The following EVI5L variants were observed in gnomAD, a reference collection of about 807,000 sequenced individuals.
The protein encoded by EVI5L is ecotropic viral integration site 5 like, also known as EVI5-like protein.
EVI5L carries 30 observed loss-of-function variants against 106.1 expected under a neutral mutation model. That is an observed-to-expected ratio of 0.28 (90% CI 0.21 to 0.38). The LOEUF (loss-of-function observed/expected upper bound fraction) is 0.38. Among genes scored for constraint, EVI5L ranks in the 10% least tolerant of loss-of-function variants. EVI5L has a pLI of 1.00. For synonymous variants in EVI5L, 489 were observed against 483.3 expected (o/e 1.01, Z -0.15); for missense variants, 809 against 1,098.0 (o/e 0.74, Z 3.72).
At position 7,851,665 on chromosome 19, in the gene EVI5L, T is replaced by C; in HGVS notation, c.898-16T>C. ...TCCCTGCCCTCCACCTCCCACTGCC[T>C]TTGCCGCCTTTGCAGGGGCTGGAGA... On this transcript the variant is annotated splice_polypyrimidine_tract_variant and intron_variant, in intron 7 of 19. Transcript: ENST00000538904. The C allele has an allele frequency of 6.3e-7, 1 of 1,584,382 alleles. No homozygotes were observed. Among genetic ancestry groups the C allele is most frequent in the Non-Finnish European group, 8.6e-7 (1 of 1,167,740 alleles).
chr19:7,831,794 C>T (rs1353209364), intron 1 of EVI5L, among the ~76,000 whole-genome samples: 4 of 152,262 alleles, frequency 2.6e-5, no homozygotes, highest in Non-Finnish European at 5.9e-5. Flanking sequence ...CCTCAAATGC[C>T]AGAGCCAGCA....
Position 7,853,352 on chromosome 19 carries a change from G to A in EVI5L, c.1146+19G>A. On this transcript the variant is annotated intron_variant, in intron 10 of 19. Coordinates refer to ENST00000538904, the MANE Select transcript of EVI5L (RefSeq NM_001159944.3). ...GATCAAAGTGAGTCCAGGGGCCCAG[G>A]GGCGGGGACAGGGATGGGAGGCCTT... The A allele has an allele frequency of 6.2e-7, 1 of 1,603,700 alleles. No individual in the cohort carries two copies. The highest frequency in any genetic ancestry group is 8.5e-7 in the Non-Finnish European group (1 of 1,176,000).
rs573243585 is a variant in EVI5L, at chr19:7,843,432, G to T, written c.-47-3064G>T. Among the ~76,000 whole-genome samples, 3 of 66,038 alleles carry T rather than the reference G, an allele frequency of 4.5e-5. No individual in the cohort carries two copies. In the South Asian group the frequency reaches 2.3e-3, roughly 50 times the overall value. 43.3% of individuals were successfully genotyped at this position (66,038 alleles called of 152,430 possible). On this transcript the variant is annotated intron_variant, in intron 1 of 19. Transcript: ENST00000538904. ...GTGAGAATAGGCATGGGTGTGTCGAGAGTGTGTGTGTATGGGTGTGTGAGT... is the reference window on the plus strand; with the variant it reads ...GTGAGAATAGGCATGGGTGTGTCGATAGTGTGTGTGTATGGGTGTGTGAGT...
chr19:7,843,992 C>T (rs1213961045), intron 1 of EVI5L, among the ~76,000 whole-genome samples: 6 of 151,978 alleles, frequency 3.9e-5, no homozygotes, highest in East Asian at 1.9e-4. Context: ...CACACACATT[C>T]GTGATAAATA....
At chr19:7,839,820 G>C (rs1185633282) in intron 1 of EVI5L, among the ~76,000 whole-genome samples, 1 of 152,216 alleles carries the variant, frequency 6.6e-6, no homozygotes, top group African/African-American at 2.4e-5. Flanking sequence ...ATACTCAGGA[G>C]GCTGAGGTGG....
chr19:7,857,403 G>C lies in EVI5L; in HGVS notation c.1233+279G>C. On this transcript the variant is annotated intron_variant, in intron 12 of 19. Coordinates refer to ENST00000538904, the MANE Select transcript of EVI5L (RefSeq NM_001159944.3). The surrounding 1 kb of genome is among the most constrained non-coding windows in gnomAD (Gnocchi z 4.5). ...AGCTTCCTCCGGGCGACACAGGGTGGGGACCCAGGAGGGCTGGGGAACCTA... is the reference window on the plus strand; with the variant it reads ...AGCTTCCTCCGGGCGACACAGGGTGCGGACCCAGGAGGGCTGGGGAACCTA... 1.7e-6 allele frequency: 1 copy of C among 588,202 alleles called. No homozygotes were observed. Among genetic ancestry groups the C allele is most frequent in the Non-Finnish European group, 3.0e-6 (1 of 329,388 alleles). The allele number at this position is 588,202 out of a possible 1,614,324, so 36.4% of individuals were successfully genotyped here. A position where few individuals can be genotyped will look rare whatever the true frequency, so the allele number is the denominator to read the frequency against.
intron 10 of EVI5L, among the ~76,000 whole-genome samples, chr19:7,855,094 T>A (rs1195737773): frequency 1.3e-5 from 2 of 151,000 alleles, no homozygotes; most frequent in African/African-American, 4.9e-5. Flanking sequence ...TGGGGGAACC[T>A]AAAGTGCAAA....
intron 1 of EVI5L, among the ~76,000 whole-genome samples, chr19:7,834,177 T>A (rs1176557056): frequency 6.6e-6 from 1 of 152,000 alleles, no homozygotes; most frequent in African/African-American, 2.4e-5. Context: ...TGAAACCCCG[T>A]CTCTATTAAA....
intron 10 of EVI5L, among the ~76,000 whole-genome samples, chr19:7,854,293 A>AG (rs894831883): frequency 1.3e-4 from 18 of 138,562 alleles, no homozygotes; most frequent in Non-Finnish European, 2.3e-4. Flanking sequence ...AAAAAAAAAA[A>AG]AAAAGAAAAG....
intron 6 of EVI5L, 52 bp from the exon 7 acceptor site, chr19:7,851,382 C>G (rs370155184): frequency 6.3e-7 from 1 of 1,576,426 alleles, no homozygotes; most frequent in African/African-American, 1.3e-5. Context: ...CAGCACCCCC[C>G]GGTGGGAGGG....
Position 7,858,239 on chromosome 19 carries a change from C to G in EVI5L, c.1282C>G (p.Arg428Gly). ...GGCGGAGGAGAACTACGTCATCAAG[C>G]GGGAGCTGGCGGTGGTGCGGCAGCA... ...QEAEENYVIKRELAVVRQQCS... is the reference protein window; with the variant it reads ...QEAEENYVIKGELAVVRQQCS... The change falls in exon 13 of 20, where the codon CGG (arginine) becomes GGG (glycine). Residue 428 changes from arginine (R) to glycine (G), a missense_variant. Transcript: ENST00000538904. The surrounding 1 kb of genome is among the most constrained non-coding windows in gnomAD (Gnocchi z 5.7). 6.4e-7 allele frequency: 1 copy of G among 1,565,188 alleles called. No individual in the cohort carries two copies. The highest frequency in any genetic ancestry group is 8.7e-7 in the Non-Finnish European group (1 of 1,155,030).
chr19:7,859,338 G>C (rs553149324), intron 13 of EVI5L: 1 of 152,282 alleles, frequency 6.6e-6, no homozygotes, highest in Non-Finnish European at 1.5e-5. Context: ...TGTAGGTCCC[G>C]CTGCCATCCT....
chr19:7,834,672 T>C (rs1376027039), intron 1 of EVI5L, among the ~76,000 whole-genome samples: 1 of 152,214 alleles, frequency 6.6e-6, no homozygotes, highest in African/African-American at 2.4e-5. Context: ...AATAGTGGGC[T>C]AGACAGCCCC....
At position 7,863,828 on chromosome 19, in the gene EVI5L, A is replaced by C; in HGVS notation, c.*126A>C. On this transcript the variant is annotated 3_prime_UTR_variant, in exon 20 of 20. Coordinates refer to ENST00000538904, the MANE Select transcript of EVI5L (RefSeq NM_001159944.3). The surrounding 1 kb of genome is among the most constrained non-coding windows in gnomAD (Gnocchi z 7.7). ...GCCCTCTGTGGCTCGGCCACCCCTA[A>C]AGCGAGGCCCGGCGAGGCAGCGCAG... The C allele has an allele frequency of 1.2e-5, 15 of 1,304,302 alleles. No individual in the cohort carries two copies. Among genetic ancestry groups the C allele is most frequent in the Non-Finnish European group, 1.5e-5 (15 of 995,030 alleles). The allele number at this position is 1,304,302 out of a possible 1,614,324, so 80.8% of individuals were successfully genotyped here. A position where few individuals can be genotyped will look rare whatever the true frequency, so the allele number is the denominator to read the frequency against.
chr19:7,856,189 C>A lies in EVI5L; in HGVS notation c.1200+121C>A. 2.0e-6 allele frequency: 2 copies of A among 998,734 alleles called. No individual in the cohort carries two copies. The highest frequency in any genetic ancestry group is 2.6e-6 in the Non-Finnish European group (2 of 755,804). 61.9% of individuals were successfully genotyped at this position (998,734 alleles called of 1,614,324 possible). A position where few individuals can be genotyped will look rare whatever the true frequency, so the allele number is the denominator to read the frequency against. ...TTCTCCTCTCTGGAGGACTAAGCAG[C>A]CCTACCTTCCTGCCCCAGGACCCGA... On this transcript the variant is annotated intron_variant, in intron 11 of 19. Coordinates refer to ENST00000538904, the MANE Select transcript of EVI5L (RefSeq NM_001159944.3). This position sits in a 1 kb window ranked among gnomAD's most constrained non-coding sequence, Gnocchi z 6.6.
chr19:7,859,994 A>C (rs992397056), intron 13 of EVI5L, among the ~76,000 whole-genome samples: 1 of 152,222 alleles, frequency 6.6e-6, no homozygotes, highest in African/African-American at 2.4e-5. Context: ...CCCAGGGACC[A>C]GGTGTCCTTT....
At chr19:7,853,391 C>G in intron 10 of EVI5L, 58 bp downstream of exon 10, 1 of 1,568,266 alleles carries the variant, frequency 6.4e-7, no homozygotes, top group Non-Finnish European at 8.6e-7. Context: ...GGGCTGCCCT[C>G]CGTACTCTAA....
Position 7,845,952 on chromosome 19 carries a change from G to T in EVI5L, c.-47-544G>T, listed in dbSNP as rs766697433. ...ACTCTTCTGGCCATTGGCAGCGCCA[G>T]ACAATTAACAGTCGAAAGTAATTGC... On this transcript the variant is annotated intron_variant, in intron 1 of 19. Coordinates refer to ENST00000538904, the MANE Select transcript of EVI5L (RefSeq NM_001159944.3). The surrounding 1 kb of genome is among the most constrained non-coding windows in gnomAD (Gnocchi z 4.0). 7.2e-5 allele frequency among the ~76,000 whole-genome samples: 11 copies of T among 152,234 alleles called. No individual in the cohort carries two copies. Among genetic ancestry groups the T allele is most frequent in the Non-Finnish European group, 1.6e-4 (11 of 68,046 alleles).
chr19:7,831,940 A>G (rs1978295091), intron 1 of EVI5L, among the ~76,000 whole-genome samples: 1 of 152,278 alleles, frequency 6.6e-6, no homozygotes. Context: ...GCCTGCCAGA[A>G]GCAGGCAGCT....
Sources: allele counts gnomAD v4.1 joint callset (sites outside exome capture counted in the v4.1 genomes callset), GRCh38; gene constraint gnomAD v4.1.1; non-coding constraint Gnocchi (gnomAD v3.1); transcripts MANE v1.5; gene names NCBI Gene and HGNC (gene_info 2026-07-23, HGNC 2026-07-21).